The following MGAT4C variants were observed in gnomAD, a reference collection of about 807,000 sequenced individuals.
The protein encoded by MGAT4C is MGAT4 family member C.
Under a neutral mutation model 40.1 loss-of-function variants are expected in MGAT4C, and 19 were observed. The ratio of observed to expected loss-of-function variants is 0.47; its 90% CI spans 0.33 to 0.70. The LOEUF (loss-of-function observed/expected upper bound fraction) is 0.70. Ranked by LOEUF, MGAT4C falls within the 30% of genes least tolerant of loss-of-function variation. The probability of loss-of-function intolerance (pLI) is 0.02; values close to 1 mark genes in which losing one functional copy is unlikely to be tolerated. For synonymous variants in MGAT4C, 181 were observed against 187.1 expected, an observed-to-expected ratio of 0.97 and a Z score of 0.27; for missense variants, 491 against 563.2, an observed-to-expected ratio of 0.87 and a Z score of 1.30.
chr12:86,735,612 G>T (rs956615496), intron 1 of MGAT4C, among the ~76,000 whole-genome samples: 5 of 151,806 alleles, frequency 3.3e-5, no homozygotes, highest in African/African-American at 1.2e-4. Flanking sequence ...CTTTGAATGG[G>T]CTGCCTTCTA....
intron 1 of MGAT4C, among the ~76,000 whole-genome samples, chr12:86,806,054 G>T (rs1222711667): frequency 1.3e-5 from 2 of 151,254 alleles, no homozygotes; most frequent in African/African-American, 4.8e-5. Flanking sequence ...TGCTTTATCA[G>T]TTAAGAATCC....
At chr12:86,805,818 A>C (rs898907968) in intron 1 of MGAT4C, among the ~76,000 whole-genome samples, 10 of 152,038 alleles carry the variant, frequency 6.6e-5, no homozygotes, top group Non-Finnish European at 4.4e-5. Context: ...ACAGTGGCTT[A>C]ACTAATTTAC....
intron 3 of MGAT4C, among the ~76,000 whole-genome samples, chr12:86,402,026 A>G (rs1162434447): frequency 2.0e-5 from 3 of 152,016 alleles, no homozygotes; most frequent in Admixed American, 6.6e-5. Context: ...TTAATGCCAT[A>G]TTCTATATTA....
chr12:86,626,007 C>A (rs1288751505), intron 2 of MGAT4C, among the ~76,000 whole-genome samples: 3 of 152,042 alleles, frequency 2.0e-5, no homozygotes, highest in Admixed American at 6.5e-5. Flanking sequence ...TACTTTAAAC[C>A]TAAAAATATG....
chr12:86,040,706 G>A lies in MGAT4C; in HGVS notation c.-7+8968C>T, dbSNP rs1891728270. On this transcript the variant is annotated intron_variant, in intron 2 of 4. Coordinates refer to ENST00000611864, the MANE Select transcript of MGAT4C (RefSeq NM_001351288.2). ...CTCACTAGCATTCTGGGCACCACTGGGGTATGGAGAAAAAACAAACAAACA... is the reference window on the plus strand; with the variant it reads ...CTCACTAGCATTCTGGGCACCACTGAGGTATGGAGAAAAAACAAACAAACA... Among the ~76,000 whole-genome samples the A allele has an allele frequency of 4.0e-5, 6 of 149,932 alleles. No individual in the cohort carries two copies. The South Asian group carries it at 1.0e-3, about 26-fold the overall frequency.
At position 85,980,288 on chromosome 12, in the gene MGAT4C, A is replaced by G; in HGVS notation, c.438T>C (p.Ser146=). The change falls in exon 5 of 5, where the codon TCT becomes TCC. Residue 146 remains serine (S), a synonymous_variant. Transcript: ENST00000611864. ...CCTGGACCATGGCATCACGCCAGGA[A>G]GAATTAAAGTCTGCTAGGTGAACCA... ...SVVVHLADFN[S]SWRDAMVQDI... The G allele has an allele frequency of 1.2e-6, 2 of 1,613,994 alleles. No homozygotes were observed. Among genetic ancestry groups the G allele is most frequent in the Non-Finnish European group, 1.7e-6 (2 of 1,179,908 alleles).
intron 3 of MGAT4C, among the ~76,000 whole-genome samples, chr12:86,414,496 T>C (rs1314492488): frequency 6.6e-6 from 1 of 152,168 alleles, no homozygotes; most frequent in Non-Finnish European, 1.5e-5. Context: ...TTGGTTACTT[T>C]TTATTGATTT....
chr12:86,345,490 T>C (rs1955009814), intron 3 of MGAT4C, among the ~76,000 whole-genome samples: 1 of 152,000 alleles, frequency 6.6e-6, no homozygotes, highest in African/African-American at 2.4e-5. Context: ...GTGTTCTCTT[T>C]GTTCAATTCC....
intron 2 of MGAT4C, among the ~76,000 whole-genome samples, chr12:86,543,974 G>A (rs1323911378): frequency 6.6e-6 from 1 of 151,992 alleles, no homozygotes; most frequent in African/African-American, 2.4e-5. Flanking sequence ...TCATCAGGGG[G>A]GCTCAGGCTA....
At chr12:86,206,240 C>T (rs1465415466) in intron 1 of MGAT4C, among the ~76,000 whole-genome samples, 1 of 152,062 alleles carries the variant, frequency 6.6e-6, no homozygotes, top group Admixed American at 6.6e-5. Context: ...ATTTTCAATA[C>T]CTGTTATCCT....
chr12:86,777,152 T>C (rs1382477881), intron 1 of MGAT4C, among the ~76,000 whole-genome samples: 1 of 152,202 alleles, frequency 6.6e-6, no homozygotes, highest in Non-Finnish European at 1.5e-5. Context: ...ATTTTTTTAA[T>C]GTATTTTTTA....
At chr12:86,040,273 T>A (rs916546038) in intron 2 of MGAT4C, among the ~76,000 whole-genome samples, 2 of 152,228 alleles carry the variant, frequency 1.3e-5, no homozygotes, top group African/African-American at 4.8e-5. Flanking sequence ...CTGGGAGATC[T>A]GCTGCTCTCT....
chr12:86,372,356 C>G (rs967902179), intron 3 of MGAT4C, among the ~76,000 whole-genome samples: 15 of 151,570 alleles, frequency 9.9e-5, no homozygotes, highest in Admixed American at 7.9e-4. Context: ...TATCTTAATT[C>G]TATAATATGT....
chr12:86,018,527 C>T (rs9706029), intron 2 of MGAT4C, among the ~76,000 whole-genome samples: 35,927 of 152,024 alleles, frequency 0.24, 5,082 homozygotes, highest in Non-Finnish European at 0.32. Context: ...GGGCAGTATT[C>T]GGTACTTTCT....
At chr12:86,768,902 A>T (rs1238892271) in intron 1 of MGAT4C, among the ~76,000 whole-genome samples, 2 of 152,072 alleles carry the variant, frequency 1.3e-5, no homozygotes, top group African/African-American at 2.4e-5. Flanking sequence ...TTAGACCTAA[A>T]ACCATAAAAA....
chr12:86,410,005 C>G (rs200194080), intron 3 of MGAT4C, among the ~76,000 whole-genome samples: 39 of 147,180 alleles, frequency 2.6e-4, no homozygotes, highest in African/African-American at 5.1e-4. Flanking sequence ...ACTTTAAAGG[C>G]GGAGGGGGTG....
chr12:86,795,374 C>T (rs546378155), intron 1 of MGAT4C, among the ~76,000 whole-genome samples: 1 of 152,018 alleles, frequency 6.6e-6, no homozygotes, highest in South Asian at 2.1e-4. Context: ...AATGACTTTC[C>T]AGTATTTCTG....
chr12:85,957,221 T>G lies in MGAT4C; in HGVS notation c.*22068A>C, dbSNP rs1882840566. On this transcript the variant is annotated 3_prime_UTR_variant, in exon 5 of 5. Coordinates refer to ENST00000611864, the MANE Select transcript of MGAT4C (RefSeq NM_001351288.2). ...AGCAGGAAGTTGAGGAAAGTTTATG[T>G]TTAATTTTTATTTTATTTTCTTCAT... is the stretch of plus-strand genomic sequence containing the variant. The G allele has an allele frequency of 6.6e-6, 1 of 152,314 alleles. No individual in the cohort carries two copies. The highest frequency in any genetic ancestry group is 2.4e-5 in the African/African-American group (1 of 41,588). The allele number at this position is 152,314 out of a possible 1,614,324, so 9.4% of individuals were successfully genotyped here.
intron 2 of MGAT4C, among the ~76,000 whole-genome samples, chr12:86,019,691 T>C (rs1434269749): frequency 2.0e-5 from 3 of 152,182 alleles, no homozygotes; most frequent in Non-Finnish European, 4.4e-5. Flanking sequence ...TTTGGTTCCA[T>C]ATGAACTTTA....
Sources: gnomAD v4.1 joint callset for allele counts (sites outside exome capture counted in the v4.1 genomes callset) on GRCh38, gnomAD v4.1.1 for gene constraint, MANE v1.5 for transcripts, NCBI Gene and HGNC (gene_info 2026-07-23, HGNC 2026-07-21) for gene names.